Variants in CYP39A1 observed in about 807,000 individuals in gnomAD.
The protein encoded by CYP39A1 is cytochrome P450 family 39 subfamily A member 1.
A neutral mutation model predicts 58.1 loss-of-function variants in CYP39A1; 49 were observed. The observed-to-expected ratio is 0.84, with a 90% CI of 0.67 to 1.07. The LOEUF (loss-of-function observed/expected upper bound fraction) is 1.07. Ranked by LOEUF, CYP39A1 falls within the 50% of genes least tolerant of loss-of-function variation. The probability of loss-of-function intolerance (pLI) is 0.00; values close to 1 mark genes in which losing one functional copy is unlikely to be tolerated. For missense variants in CYP39A1, 531 were observed against 539.4 expected, an observed-to-expected ratio of 0.98 and a Z score of 0.16; for synonymous variants, 209 against 187.6, an observed-to-expected ratio of 1.11 and a Z score of -0.93.
intron 2 of CYP39A1, among the ~76,000 whole-genome samples, chr6:46,641,284 A>C (rs889144163): frequency 1.3e-5 from 2 of 152,196 alleles, no homozygotes; most frequent in Non-Finnish European, 2.9e-5. Flanking sequence ...CCATAGTCCA[A>C]GTATCAAGAA....
chr6:46,582,393 A>G (rs1051426398), intron 10 of CYP39A1, among the ~76,000 whole-genome samples: 4 of 152,312 alleles, frequency 2.6e-5, no homozygotes, highest in African/African-American at 9.6e-5. Flanking sequence ...TCTTTAACAT[A>G]AATATATAGA....
rs530046076 is a variant in CYP39A1 at position 46,604,238 on chromosome 6, A to T, written c.932-8118T>A. 3.9e-5 allele frequency among the ~76,000 whole-genome samples: 6 copies of T among 152,310 alleles called. No homozygotes were observed. The South Asian group carries it at 1.2e-3, about 32-fold the overall frequency. On this transcript the variant is annotated intron_variant, in intron 7 of 11. Coordinates refer to ENST00000275016, the MANE Select transcript of CYP39A1 (RefSeq NM_016593.5). ...ACTTCCATATTCACTCTTTTCTAAA[A>T]CTGATCTGTTGAATAAAAGACTGTG...
At chr6:46,599,270 G>A (rs9472788) in intron 7 of CYP39A1, among the ~76,000 whole-genome samples, 1 of 152,118 alleles carries the variant, frequency 6.6e-6, no homozygotes, top group Non-Finnish European at 1.5e-5. Flanking sequence ...TCACATTAAA[G>A]TGTGCAACTC....
chr6:46,608,096 A>G (rs941207236), intron 7 of CYP39A1, among the ~76,000 whole-genome samples: 10 of 152,264 alleles, frequency 6.6e-5, no homozygotes, highest in African/African-American at 2.4e-4. Context: ...TTTGGTCAAT[A>G]CATCTACTCT....
At chr6:46,627,498 A>G (rs924598190) in intron 6 of CYP39A1, among the ~76,000 whole-genome samples, 1 of 151,602 alleles carries the variant, frequency 6.6e-6, no homozygotes, top group Admixed American at 6.6e-5. Context: ...GGCTCACTGC[A>G]AGCTCCGCCT....
intron 7 of CYP39A1, among the ~76,000 whole-genome samples, chr6:46,597,733 T>C (rs1179902885): frequency 6.6e-6 from 1 of 152,102 alleles, no homozygotes; most frequent in Non-Finnish European, 1.5e-5. Flanking sequence ...ACTAAGGCCA[T>C]ACTACAGACG....
intron 11 of CYP39A1, among the ~76,000 whole-genome samples, chr6:46,551,834 G>A (rs1313038317): frequency 6.6e-6 from 1 of 152,016 alleles, no homozygotes; most frequent in Admixed American, 6.6e-5. Context: ...CTGGTCACCT[G>A]ATTTTATAAT....
Position 46,650,484 on chromosome 6 carries a change from C to CTTTTTTTTT in CYP39A1, c.177+1913_177+1921dup, listed in dbSNP as rs567314746. On this transcript the variant is annotated intron_variant, in intron 1 of 11. Coordinates refer to ENST00000275016, the MANE Select transcript of CYP39A1 (RefSeq NM_016593.5). ...AAACATCAAATAATGCAGTCATATTCTTTTTTTTTTTTTTTTTTTTTTTTT... is the reference window on the plus strand; with the variant it reads ...AAACATCAAATAATGCAGTCATATTCTTTTTTTTTTTTTTTTTTTTTTTTTTTTTTTTTT... 1.4e-3 allele frequency among the ~76,000 whole-genome samples: 48 copies of CTTTTTTTTT among 35,190 alleles called. 11 individuals are homozygous for CTTTTTTTTT. Among genetic ancestry groups the CTTTTTTTTT allele is most frequent in the Non-Finnish European group, 1.6e-3 (35 of 21,638 alleles). 23.1% of individuals were successfully genotyped at this position (35,190 alleles called of 152,430 possible). A position where few individuals can be genotyped will look rare whatever the true frequency, so the allele number is the denominator to read the frequency against.
At chr6:46,600,753 GC>G (rs1160837519) in intron 7 of CYP39A1, among the ~76,000 whole-genome samples, 1 of 152,160 alleles carries the variant, frequency 6.6e-6, no homozygotes, top group African/African-American at 2.4e-5. Flanking sequence ...TCCAAACCTT[GC>G]CCTATGTGCT....
rs1562002904 is a variant in CYP39A1, at chr6:46,625,442, TGCCTTCCATAATG to T, written c.894_906del (p.Ile299TyrfsTer25). The T allele has an allele frequency of 1.2e-6, 2 of 1,610,682 alleles. No individual in the cohort carries two copies. Among genetic ancestry groups the T allele is most frequent in the South Asian group, 2.2e-5 (2 of 90,476 alleles). ...CCTGCTTTGCCAAACACAGAAGATA[TGCCTTCCATAATG>T]GCCTTGTGGATATCAGGATGAGAAA... On this transcript the variant is annotated frameshift_variant, in exon 7 of 12. Transcript: ENST00000275016. LOFTEE classifies it high-confidence loss of function.
chr6:46,603,942 C>T (rs766440554), intron 7 of CYP39A1, among the ~76,000 whole-genome samples: 20 of 152,112 alleles, frequency 1.3e-4, no homozygotes, highest in South Asian at 6.2e-4. Context: ...ATGTAGTCTT[C>T]GCTGTACATA....
At chr6:46,583,254 C>T in intron 10 of CYP39A1, 2 of 985,378 alleles carry the variant, frequency 2.0e-6, no homozygotes, top group Non-Finnish European at 2.4e-6. Flanking sequence ...TGTTGTTTTA[C>T]ACTGGAGTTT....
intron 6 of CYP39A1, among the ~76,000 whole-genome samples, chr6:46,629,952 C>G (rs189848306): frequency 1.3e-5 from 2 of 151,394 alleles, no homozygotes; most frequent in African/African-American, 4.9e-5. Flanking sequence ...GTTTTTTAGC[C>G]GGGCCCAGTA....
chr6:46,619,243 G>T (rs1300266851), intron 7 of CYP39A1, among the ~76,000 whole-genome samples: 1 of 152,076 alleles, frequency 6.6e-6, no homozygotes, highest in African/African-American at 2.4e-5. Flanking sequence ...TGATAGAGCT[G>T]CAAACAGAGG....
At chr6:46,622,911 C>G (rs1027410467) in intron 7 of CYP39A1, among the ~76,000 whole-genome samples, 1 of 152,132 alleles carries the variant, frequency 6.6e-6, no homozygotes, top group Admixed American at 6.5e-5. Flanking sequence ...AACTAACTGC[C>G]TTTAGAAAAG....
chr6:46,570,062 T>C (rs908432033), intron 10 of CYP39A1, among the ~76,000 whole-genome samples: 3 of 152,100 alleles, frequency 2.0e-5, no homozygotes, highest in African/African-American at 7.2e-5. Context: ...AGATTTTCTA[T>C]TTCTTTATAA....
chr6:46,609,678 C>T lies in CYP39A1; in HGVS notation c.932-13558G>A, dbSNP rs200707806. Reference sequence around the variant, plus strand: ...ATATGTAAAATATAAGCTATTCCAGCCTTCTTTAACACACAAGGCTTGTGC... The same window carrying T: ...ATATGTAAAATATAAGCTATTCCAGTCTTCTTTAACACACAAGGCTTGTGC... On this transcript the variant is annotated intron_variant, in intron 7 of 11. Coordinates refer to ENST00000275016, the MANE Select transcript of CYP39A1 (RefSeq NM_016593.5). Among the ~76,000 whole-genome samples the T allele has an allele frequency of 2.6e-4, 39 of 152,234 alleles. 3 individuals are homozygous for T. In the East Asian group the frequency reaches 5.8e-3, roughly 23 times the overall value.
intron 7 of CYP39A1, among the ~76,000 whole-genome samples, chr6:46,601,524 C>T (rs577831370): frequency 5.3e-5 from 8 of 152,248 alleles, no homozygotes; most frequent in Non-Finnish European, 7.4e-5. Flanking sequence ...AATTATCCAA[C>T]CTCTCTATGC....
intron 7 of CYP39A1, among the ~76,000 whole-genome samples, chr6:46,613,622 G>A (rs1460267649): frequency 6.6e-6 from 1 of 151,516 alleles, no homozygotes; most frequent in Non-Finnish European, 1.5e-5. Context: ...GGGTGCATGT[G>A]TATGCTATCC....
Sources: gnomAD v4.1 joint callset for allele counts (sites outside exome capture counted in the v4.1 genomes callset) on GRCh38, gnomAD v4.1.1 for gene constraint, MANE v1.5 for transcripts, NCBI Gene and HGNC (gene_info 2026-07-23, HGNC 2026-07-21) for gene names.